ANGPT1: variants seen among roughly 807,000 people sequenced by gnomAD.
ANGPT1 encodes angiopoietin 1, also known as angiopoietin-1.
Under a neutral mutation model 62.2 loss-of-function variants are expected in ANGPT1, and 17 were observed. The observed-to-expected ratio is 0.27, with a 90% CI of 0.19 to 0.41. The LOEUF is 0.41. ANGPT1 is among the 10% of genes least tolerant of loss of function. The probability of loss-of-function intolerance (pLI) is 1.00; values close to 1 mark genes in which losing one functional copy is unlikely to be tolerated. For synonymous variants in ANGPT1, 199 were observed against 198.9 expected (o/e 1.00, Z 0.00); for missense variants, 478 against 594.9 (o/e 0.80, Z 2.04).
chr8:107,329,552 G>A (rs934864207), intron 3 of ANGPT1, among the ~76,000 whole-genome samples: 2 of 151,994 alleles, frequency 1.3e-5, no homozygotes, highest in African/African-American at 4.8e-5. Flanking sequence ...GTGTAAACAC[G>A]ATCTCTATTT....
intron 6 of ANGPT1, among the ~76,000 whole-genome samples, chr8:107,287,777 G>A (rs896806201): frequency 6.6e-6 from 1 of 152,122 alleles, no homozygotes; most frequent in Non-Finnish European, 1.5e-5. Flanking sequence ...CATATTTGCT[G>A]TAGAAATATC....
rs1813243537 is a variant in ANGPT1, at chr8:107,251,321, T to A, written c.*534A>T. 1 of 153,198 alleles carries A rather than the reference T, an allele frequency of 6.5e-6. No homozygotes were observed. The highest frequency in any genetic ancestry group is 6.5e-5 in the Admixed American group (1 of 15,402). The allele number at this position is 153,198 out of a possible 1,614,324, so 9.5% of individuals were successfully genotyped here. Reference sequence around the variant, plus strand: ...ATTAGGCTTCTGAAATCCATTAACATTTAACCAACTCAGAGGACAATGCTG... The same window carrying A: ...ATTAGGCTTCTGAAATCCATTAACAATTAACCAACTCAGAGGACAATGCTG... On this transcript the variant is annotated 3_prime_UTR_variant, in exon 9 of 9. Coordinates refer to ENST00000517746, the MANE Select transcript of ANGPT1 (RefSeq NM_001146.5).
chr8:107,300,077 A>C (rs917092355), intron 5 of ANGPT1, among the ~76,000 whole-genome samples: 1 of 143,770 alleles, frequency 7.0e-6, no homozygotes, highest in Non-Finnish European at 1.5e-5. Context: ...AGGTATCTAT[A>C]TCTATAGAGA....
chr8:107,336,795 G>C lies in ANGPT1; in HGVS notation c.454-524C>G, dbSNP rs143629031. Among the ~76,000 whole-genome samples, 165 of 151,522 alleles carry C rather than the reference G, an allele frequency of 1.1e-3. 1 individual carries two copies. Among genetic ancestry groups the C allele is most frequent in the African/African-American group, 3.7e-3 (154 of 41,216 alleles). On this transcript the variant is annotated intron_variant, in intron 2 of 8. Coordinates refer to ENST00000517746, the MANE Select transcript of ANGPT1 (RefSeq NM_001146.5). ...ATTGAACAAACATATTGTGTTTTAG[G>C]ACTTCTGTGTCCTAAAACCCTAGGA...
intron 1 of ANGPT1, chr8:107,494,697 T>G (rs2130548498): frequency 6.6e-6 from 1 of 152,308 alleles, no homozygotes; most frequent in African/African-American, 2.4e-5. Context: ...ATGCCTTGCT[T>G]CTCATCCTGT....
At chr8:107,486,960 C>T (rs1812830391) in intron 1 of ANGPT1, among the ~76,000 whole-genome samples, 1 of 152,178 alleles carries the variant, frequency 6.6e-6, no homozygotes, top group African/African-American at 2.4e-5. Flanking sequence ...AGGTAACTGG[C>T]TAACTGGTTT....
chr8:107,405,045 A>C (rs1817120759), intron 1 of ANGPT1, among the ~76,000 whole-genome samples: 1 of 152,024 alleles, frequency 6.6e-6, no homozygotes, highest in South Asian at 2.1e-4. Context: ...GTTATATCAG[A>C]CATATTCATC....
intron 1 of ANGPT1, among the ~76,000 whole-genome samples, chr8:107,497,017 G>A (rs1290094827): frequency 6.6e-6 from 1 of 152,198 alleles, no homozygotes; most frequent in Non-Finnish European, 1.5e-5. Context: ...AACCAAAAAT[G>A]TCATAAAATT....
chr8:107,444,377 T>G (rs560395522), intron 1 of ANGPT1, among the ~76,000 whole-genome samples: 6 of 152,320 alleles, frequency 3.9e-5, no homozygotes, highest in African/African-American at 1.4e-4. Flanking sequence ...AAGGATACAT[T>G]TATATGTCAA....
chr8:107,403,806 G>T (rs1336126965), intron 1 of ANGPT1, among the ~76,000 whole-genome samples: 1 of 152,020 alleles, frequency 6.6e-6, no homozygotes, highest in Non-Finnish European at 1.5e-5. Context: ...AATGTTCCTT[G>T]GCTCTGCTTG....
At chr8:107,410,745 C>T (rs1391113766) in intron 1 of ANGPT1, among the ~76,000 whole-genome samples, 2 of 152,096 alleles carry the variant, frequency 1.3e-5, no homozygotes, top group Non-Finnish European at 2.9e-5. Context: ...CTCCTGCAAG[C>T]GCAAATATAT....
At chr8:107,434,544 G>T (rs1250696982) in intron 1 of ANGPT1, among the ~76,000 whole-genome samples, 1 of 151,922 alleles carries the variant, frequency 6.6e-6, no homozygotes, top group Non-Finnish European at 1.5e-5. Context: ...GGAGATGAAC[G>T]ATTAAAGAGA....
intron 1 of ANGPT1, among the ~76,000 whole-genome samples, chr8:107,400,501 CA>C (rs1817023785): frequency 6.6e-6 from 1 of 151,932 alleles, no homozygotes; most frequent in Non-Finnish European, 1.5e-5. Flanking sequence ...AGGAGGAGTC[CA>C]ATCACTGCTT....
intron 1 of ANGPT1, among the ~76,000 whole-genome samples, chr8:107,413,635 T>C (rs995069822): frequency 8.0e-5 from 12 of 150,188 alleles, no homozygotes; most frequent in African/African-American, 2.9e-4. Flanking sequence ...TTTATTAAAA[T>C]ATTTAATGTT....
intron 1 of ANGPT1, among the ~76,000 whole-genome samples, chr8:107,485,145 A>T (rs1284316363): frequency 6.6e-6 from 1 of 152,210 alleles, no homozygotes; most frequent in African/African-American, 2.4e-5. Context: ...CTTGAGCAAT[A>T]CAGCGTGTGT....
At chr8:107,459,824 G>T (rs564398325) in intron 1 of ANGPT1, among the ~76,000 whole-genome samples, 1 of 152,292 alleles carries the variant, frequency 6.6e-6, no homozygotes, top group Admixed American at 6.5e-5. Context: ...GACGCATCAA[G>T]TGAACAGCAC....
At position 107,421,745 on chromosome 8, in the gene ANGPT1, T is replaced by C. The variant is rs74328506; in HGVS notation, c.298-74648A>G. 7.1e-3 allele frequency among the ~76,000 whole-genome samples: 1,083 copies of C among 152,304 alleles called. 19 individuals carry two copies. The highest frequency in any genetic ancestry group is 0.025 in the African/African-American group (1,034 of 41,568). On this transcript the variant is annotated intron_variant, in intron 1 of 8. Transcript: ENST00000517746. ...CAGGGAACACAATGCTTCGTGTGCA[T>C]TATTTTAGATAGGAAGGAAGTTAGT...
At chr8:107,264,389 C>T (rs375179109) in intron 7 of ANGPT1, 38 bp from the exon 8 acceptor site, 16 of 1,602,198 alleles carry the variant, frequency 1.0e-5, no homozygotes, top group East Asian at 4.5e-5. Flanking sequence ...ATAAGCCATT[C>T]GACAGAATAA....
chr8:107,266,183 G>A (rs893349071), intron 7 of ANGPT1, among the ~76,000 whole-genome samples: 6 of 152,196 alleles, frequency 3.9e-5, no homozygotes, highest in African/African-American at 1.2e-4. Flanking sequence ...GCCAGCCCAC[G>A]TGGAGGTGGG....
Sources: allele counts gnomAD v4.1 joint callset (sites outside exome capture counted in the v4.1 genomes callset), GRCh38; gene constraint gnomAD v4.1.1; transcripts MANE v1.5; gene names NCBI Gene and HGNC (gene_info 2026-07-23, HGNC 2026-07-21).